MAD1L1: variants seen among roughly 807,000 people sequenced by gnomAD.
The protein encoded by MAD1L1 is mitotic spindle assembly checkpoint protein MAD1.
Under a neutral mutation model 96.9 loss-of-function variants are expected in MAD1L1, and 95 were observed. The ratio of observed to expected loss-of-function variants is 0.98; its 90% CI spans 0.83 to 1.16. The LOEUF (loss-of-function observed/expected upper bound fraction) is 1.16. MAD1L1 is among the 50% of genes most tolerant of loss of function. MAD1L1 has a pLI of 0.00. For missense variants in MAD1L1, 1,007 were observed against 954.4 expected (o/e 1.06, Z -0.73); for synonymous variants, 473 against 396.6 (o/e 1.19, Z -2.29).
chr7:1,908,890 C>G (rs1048477351), intron 17 of MAD1L1, among the ~76,000 whole-genome samples: 1 of 152,228 alleles, frequency 6.6e-6, no homozygotes, highest in East Asian at 1.9e-4. Flanking sequence ...TCCCACCTCT[C>G]GTTAGATGTC....
At chr7:1,971,066 C>G (rs75747526) in intron 15 of MAD1L1, among the ~76,000 whole-genome samples, 13 of 152,284 alleles carry the variant, frequency 8.5e-5, no homozygotes, top group Non-Finnish European at 1.8e-4. Context: ...CCGGGGCCCA[C>G]AGCCAGCCCT....
At chr7:1,840,455 C>A (rs745456774) in intron 18 of MAD1L1, among the ~76,000 whole-genome samples, 1 of 152,176 alleles carries the variant, frequency 6.6e-6, no homozygotes, top group Non-Finnish European at 1.5e-5. Flanking sequence ...ACAAGCCAGG[C>A]GTGGTGGCTC....
chr7:2,124,374 G>A (rs1322291067), intron 11 of MAD1L1, among the ~76,000 whole-genome samples: 5 of 152,254 alleles, frequency 3.3e-5, no homozygotes. Flanking sequence ...GATTTGGGAA[G>A]AGCCCAACGT....
At chr7:1,875,239 G>A (rs1251828035) in intron 18 of MAD1L1, among the ~76,000 whole-genome samples, 1 of 152,220 alleles carries the variant, frequency 6.6e-6, no homozygotes, top group Non-Finnish European at 1.5e-5. Context: ...CCCCACGGCT[G>A]CACTCAAGCC....
chr7:2,151,921 A>G (rs1789591689), intron 10 of MAD1L1, among the ~76,000 whole-genome samples: 1 of 152,170 alleles, frequency 6.6e-6, no homozygotes, highest in Non-Finnish European at 1.5e-5. Flanking sequence ...GGGCCACAGG[A>G]GAAACCTGAG....
At chr7:2,000,440 C>G (rs1385782288) in intron 14 of MAD1L1, among the ~76,000 whole-genome samples, 1 of 152,194 alleles carries the variant, frequency 6.6e-6, no homozygotes. Context: ...CTGCCGTGAC[C>G]ACACAGGGCC....
chr7:2,098,710 G>A (rs1786626518), intron 11 of MAD1L1, among the ~76,000 whole-genome samples: 1 of 152,174 alleles, frequency 6.6e-6, no homozygotes, highest in Non-Finnish European at 1.5e-5. Flanking sequence ...GCCCAAGGGA[G>A]CGCACTACCA....
intron 18 of MAD1L1, among the ~76,000 whole-genome samples, chr7:1,888,474 G>A (rs920572729): frequency 6.6e-6 from 1 of 151,284 alleles, no homozygotes; most frequent in Non-Finnish European, 1.5e-5. Context: ...GTGGCTGCCT[G>A]TTCATGTGTG....
chr7:2,098,117 A>C (rs1463212728), intron 11 of MAD1L1, among the ~76,000 whole-genome samples: 3 of 152,114 alleles, frequency 2.0e-5, no homozygotes, highest in Non-Finnish European at 4.4e-5. Flanking sequence ...ATCAGTGAGG[A>C]CGCCCGCGAC....
chr7:2,047,357 T>TC (rs1783971739), intron 12 of MAD1L1, among the ~76,000 whole-genome samples: 1 of 152,158 alleles, frequency 6.6e-6, no homozygotes, highest in Non-Finnish European at 1.5e-5. Flanking sequence ...GAACCTCCCT[T>TC]CCTCCCCTTG....
chr7:2,154,224 G>A (rs1024246559), intron 10 of MAD1L1, among the ~76,000 whole-genome samples: 7 of 152,224 alleles, frequency 4.6e-5, no homozygotes, highest in Non-Finnish European at 8.8e-5. Context: ...ACCGTGTCAG[G>A]TGAAACCACC....
chr7:2,042,621 G>A (rs757472739), intron 12 of MAD1L1, among the ~76,000 whole-genome samples: 41 of 152,162 alleles, frequency 2.7e-4, no homozygotes, highest in Non-Finnish European at 4.4e-4. Flanking sequence ...GATCCCTCAC[G>A]AATGGCCCAG....
At chr7:1,997,766 C>A (rs1268568002) in intron 14 of MAD1L1, among the ~76,000 whole-genome samples, 1 of 152,202 alleles carries the variant, frequency 6.6e-6, no homozygotes, top group Non-Finnish European at 1.5e-5. Flanking sequence ...CAGGGGCCAG[C>A]CCCAACCACG....
chr7:1,858,586 G>A (rs966261621), intron 18 of MAD1L1, among the ~76,000 whole-genome samples: 1 of 152,234 alleles, frequency 6.6e-6, no homozygotes, highest in Non-Finnish European at 1.5e-5. Flanking sequence ...CCCGGCACCA[G>A]GACGCCCGCG....
intron 18 of MAD1L1, among the ~76,000 whole-genome samples, chr7:1,864,336 C>G (rs573465096): frequency 6.6e-6 from 1 of 152,318 alleles, no homozygotes; most frequent in Admixed American, 6.5e-5. Context: ...GACCCGGGGC[C>G]CCTTTCCTGG....
At chr7:2,129,882 C>T in intron 11 of MAD1L1, among the ~76,000 whole-genome samples, 1 of 152,212 alleles carries the variant, frequency 6.6e-6, no homozygotes, top group East Asian at 1.9e-4. Flanking sequence ...GCTGGGTCAG[C>T]AGGTGCAGAC....
At chr7:2,139,709 G>A (rs555496784) in intron 11 of MAD1L1, among the ~76,000 whole-genome samples, 2 of 152,288 alleles carry the variant, frequency 1.3e-5, no homozygotes, top group African/African-American at 2.4e-5. Context: ...GCCGGGCTTC[G>A]GCAGACCCCC....
At chr7:1,970,940 G>T (rs1170403124) in intron 15 of MAD1L1, among the ~76,000 whole-genome samples, 1 of 152,170 alleles carries the variant, frequency 6.6e-6, no homozygotes, top group Non-Finnish European at 1.5e-5. Flanking sequence ...CATGAACTCA[G>T]GTTTAAATGA....
At chr7:1,940,725 C>A (rs958467515) in intron 16 of MAD1L1, among the ~76,000 whole-genome samples, 1 of 152,222 alleles carries the variant, frequency 6.6e-6, no homozygotes, top group Non-Finnish European at 1.5e-5. Flanking sequence ...GCTGCGGGCA[C>A]GGAAACACGA....
Sources: allele counts gnomAD v4.1 joint callset (sites outside exome capture counted in the v4.1 genomes callset), GRCh38; gene constraint gnomAD v4.1.1; transcripts MANE v1.5; gene names NCBI Gene and HGNC (gene_info 2026-07-23, HGNC 2026-07-21).